ELL2: variants seen among roughly 807,000 people sequenced by gnomAD.
ELL2 encodes the protein RNA polymerase II elongation factor ELL2.
In ELL2, 21 loss-of-function variants were observed where a neutral mutation model predicts 72.8. That is an observed-to-expected ratio of 0.29 (90% CI 0.20 to 0.42). The LOEUF (loss-of-function observed/expected upper bound fraction) is 0.42. Ranked by LOEUF, ELL2 falls within the 10% of genes least tolerant of loss-of-function variation. The pLI is 1.00. For missense variants in ELL2, 568 were observed against 772.8 expected (o/e 0.73, Z 3.14); for synonymous variants, 266 against 283.2 (o/e 0.94, Z 0.61).
intron 3 of ELL2, among the ~76,000 whole-genome samples, chr5:95,918,919 C>T: frequency 6.9e-6 from 1 of 145,538 alleles, no homozygotes; most frequent in Non-Finnish European, 1.5e-5. Flanking sequence ...GGAGAGACTG[C>T]TTTACTGGGT....
chr5:95,890,374 G>C (rs897895452), intron 10 of ELL2, among the ~76,000 whole-genome samples: 1 of 152,172 alleles, frequency 6.6e-6, no homozygotes, highest in Non-Finnish European at 1.5e-5. Context: ...CTGAACACTG[G>C]TAGTGGGCTG....
chr5:95,941,642 G>A (rs547461106), intron 2 of ELL2, among the ~76,000 whole-genome samples: 1 of 152,164 alleles, frequency 6.6e-6, no homozygotes, highest in African/African-American at 2.4e-5. Flanking sequence ...GAACCCTACT[G>A]CTCCTAGTAA....
At chr5:95,936,653 C>A (rs1862313) in intron 2 of ELL2, among the ~76,000 whole-genome samples, 2 of 151,946 alleles carry the variant, frequency 1.3e-5, no homozygotes, top group Non-Finnish European at 2.9e-5. Context: ...TGTGGTAATG[C>A]GTGCCTATAG....
At chr5:95,922,649 T>C (rs1386082472) in intron 2 of ELL2, among the ~76,000 whole-genome samples, 3 of 144,184 alleles carry the variant, frequency 2.1e-5, no homozygotes, top group Non-Finnish European at 4.4e-5. Context: ...AATAATTATC[T>C]TTCTATGCAT....
chr5:95,959,918 T>G (rs1751751204), intron 1 of ELL2, among the ~76,000 whole-genome samples: 1 of 152,186 alleles, frequency 6.6e-6, no homozygotes, highest in Non-Finnish European at 1.5e-5. Context: ...CCCTATCATG[T>G]GAGTTCATTT....
chr5:95,946,920 C>G (rs996700123), intron 1 of ELL2, among the ~76,000 whole-genome samples: 13 of 151,688 alleles, frequency 8.6e-5, no homozygotes, highest in African/African-American at 3.2e-4. Flanking sequence ...TGTAAGGCAA[C>G]AAGGAGTGGT....
intron 2 of ELL2, among the ~76,000 whole-genome samples, chr5:95,931,429 T>C (rs1378620334): frequency 6.6e-6 from 1 of 152,158 alleles, no homozygotes; most frequent in Non-Finnish European, 1.5e-5. Context: ...AACACACACA[T>C]GCCTTCCTTA....
At chr5:95,889,034 T>C in intron 11 of ELL2, 47 bp from the exon 12 acceptor site, 2 of 1,569,646 alleles carry the variant, frequency 1.3e-6, no homozygotes, top group South Asian at 2.4e-5. Context: ...GATTGCAGAA[T>C]TTACAACATT....
chr5:95,923,595 C>A (rs1580509156), intron 2 of ELL2, among the ~76,000 whole-genome samples: 1 of 152,128 alleles, frequency 6.6e-6, no homozygotes, highest in African/African-American at 2.4e-5. Flanking sequence ...GGACATGGAG[C>A]CCAGGCCAAT....
chr5:95,891,327 C>A, intron 9 of ELL2, 53 bp from the exon 10 acceptor site: 1 of 1,535,188 alleles, frequency 6.5e-7, no homozygotes, highest in South Asian at 1.2e-5. Flanking sequence ...CATGATTGCA[C>A]AAGTCTGAGA....
At chr5:95,959,911 T>C (rs989131552) in intron 1 of ELL2, among the ~76,000 whole-genome samples, 1 of 152,184 alleles carries the variant, frequency 6.6e-6, no homozygotes, top group Non-Finnish European at 1.5e-5. Context: ...ACAAATACCC[T>C]ATCATGTGAG....
At chr5:95,929,846 G>A (rs1750534499) in intron 2 of ELL2, among the ~76,000 whole-genome samples, 1 of 151,094 alleles carries the variant, frequency 6.6e-6, no homozygotes, top group Non-Finnish European at 1.5e-5. Context: ...TGGTACAAAT[G>A]TCAGGGTGAG....
intron 7 of ELL2, 90 bp from the exon 8 acceptor site, chr5:95,898,900 C>G: frequency 6.5e-6 from 6 of 922,770 alleles, no homozygotes; most frequent in Non-Finnish European, 9.3e-6. Flanking sequence ...AACTAAGTAA[C>G]CTTACTTACT....
chr5:95,957,368 T>C (rs913589862), intron 1 of ELL2, among the ~76,000 whole-genome samples: 1 of 152,252 alleles, frequency 6.6e-6, no homozygotes, highest in Non-Finnish European at 1.5e-5. Context: ...AGAGCTTATG[T>C]AGACCACACA....
At chr5:95,943,540 G>C (rs1378480878) in intron 1 of ELL2, among the ~76,000 whole-genome samples, 5 of 152,076 alleles carry the variant, frequency 3.3e-5, no homozygotes, top group Non-Finnish European at 7.4e-5. Context: ...CTGTATTGTT[G>C]CATAGTTTCC....
At chr5:95,905,175 T>A (rs1429201603) in intron 5 of ELL2, among the ~76,000 whole-genome samples, 1 of 151,976 alleles carries the variant, frequency 6.6e-6, no homozygotes, top group East Asian at 1.9e-4. Context: ...TATCAAATGA[T>A]CAACACTAAT....
rs1363853575 is a variant in ELL2, at chr5:95,888,390, AT to A, written c.*480del. On this transcript the variant is annotated 3_prime_UTR_variant, in exon 12 of 12. Coordinates refer to ENST00000237853, the MANE Select transcript of ELL2 (RefSeq NM_012081.6). ...TGTTTATTTTTTTAATTTTGTGCAA[AT>A]TTCTAAATATTCTACCATTTAAGGC... The A allele has an allele frequency of 6.6e-6, 1 of 152,416 alleles. No individual in the cohort carries two copies. The highest frequency in any genetic ancestry group is 1.5e-5 in the Non-Finnish European group (1 of 68,198). 9.4% of individuals were successfully genotyped at this position (152,416 alleles called of 1,614,324 possible).
intron 5 of ELL2, among the ~76,000 whole-genome samples, chr5:95,905,222 C>T (rs1749308292): frequency 6.7e-6 from 1 of 149,038 alleles, no homozygotes; most frequent in East Asian, 2.0e-4. Flanking sequence ...AGTTTATCTA[C>T]ACTTTGAGAT....
intron 1 of ELL2, among the ~76,000 whole-genome samples, chr5:95,953,383 A>G (rs563946425): frequency 3.9e-5 from 6 of 152,358 alleles, no homozygotes; most frequent in Non-Finnish European, 7.3e-5. Context: ...TTTTTATTAC[A>G]TGGACACTTT....
Sources: gnomAD v4.1 joint callset for allele counts (sites outside exome capture counted in the v4.1 genomes callset) on GRCh38, gnomAD v4.1.1 for gene constraint, MANE v1.5 for transcripts, NCBI Gene and HGNC (gene_info 2026-07-23, HGNC 2026-07-21) for gene names.